Variants in MOB2 observed in about 807,000 individuals in gnomAD.
MOB2 encodes MOB2 Mps One Binder homolog.
A neutral mutation model predicts 27.4 loss-of-function variants in MOB2; 14 were observed. That is an observed-to-expected ratio of 0.51 (90% CI 0.34 to 0.80). The LOEUF is 0.80. Among genes scored for constraint, MOB2 ranks in the 30% least tolerant of loss-of-function variants. MOB2 has a pLI of 0.01. For missense variants in MOB2, 304 were observed against 354.6 expected (o/e 0.86, Z 1.15); for synonymous variants, 167 against 151.8 (o/e 1.10, Z -0.74).
intron 3 of MOB2, among the ~76,000 whole-genome samples, chr11:1,478,541 C>A (rs978961643): frequency 6.6e-6 from 1 of 152,204 alleles, no homozygotes; most frequent in Admixed American, 6.5e-5. Context: ...TCATTCACTG[C>A]GGCATCTGTT....
At chr11:1,483,521 C>T (rs1339626249) in intron 1 of MOB2, among the ~76,000 whole-genome samples, 3 of 152,208 alleles carry the variant, frequency 2.0e-5, no homozygotes, top group Middle Eastern at 3.2e-3. Flanking sequence ...TTAGGAGGGC[C>T]GGGCCAGATG....
At chr11:1,478,602 G>A (rs1590764932) in intron 3 of MOB2, among the ~76,000 whole-genome samples, 1 of 152,190 alleles carries the variant, frequency 6.6e-6, no homozygotes, top group Non-Finnish European at 1.5e-5. Context: ...TGGCTGCCAA[G>A]GGCTTTTTCT....
chr11:1,480,011 A>G (rs377020533), intron 3 of MOB2, among the ~76,000 whole-genome samples: 11 of 152,364 alleles, frequency 7.2e-5, no homozygotes, highest in African/African-American at 2.6e-4. Context: ...CCATGAAATG[A>G]ATGGCCGAGC....
chr11:1,470,706 G>A (rs963275424), intron 4 of MOB2, among the ~76,000 whole-genome samples: 4 of 152,238 alleles, frequency 2.6e-5, no homozygotes, highest in East Asian at 1.9e-4. Flanking sequence ...ACCTCCCTGC[G>A]TGCTCAGGCT....
intron 3 of MOB2, among the ~76,000 whole-genome samples, chr11:1,477,550 A>T (rs1199086735): frequency 6.6e-6 from 1 of 152,218 alleles, no homozygotes; most frequent in Non-Finnish European, 1.5e-5. Flanking sequence ...GCTCATGAAC[A>T]GAACTGGTGG....
chr11:1,476,923 C>T (rs1847858238), intron 3 of MOB2, among the ~76,000 whole-genome samples: 1 of 152,176 alleles, frequency 6.6e-6, no homozygotes, highest in Non-Finnish European at 1.5e-5. Flanking sequence ...AATTTAACCC[C>T]ACCATGGTCA....
At chr11:1,481,268 C>A in intron 1 of MOB2, 1 of 316,952 alleles carries the variant, frequency 3.2e-6, no homozygotes, top group Non-Finnish European at 6.3e-6. Flanking sequence ...CAAACCCTCT[C>A]ACTCCTGGCT....
At chr11:1,471,010 G>A (rs925701831) in intron 4 of MOB2, among the ~76,000 whole-genome samples, 2 of 152,262 alleles carry the variant, frequency 1.3e-5, no homozygotes, top group Non-Finnish European at 2.9e-5. Flanking sequence ...GCTGGACGGT[G>A]AGAGCAGCAT....
At chr11:1,477,401 C>T (rs530786241) in intron 3 of MOB2, among the ~76,000 whole-genome samples, 24 of 152,276 alleles carry the variant, frequency 1.6e-4, no homozygotes, top group South Asian at 6.2e-4. Flanking sequence ...ACTTCTCACC[C>T]GCCTGCACCA....
chr11:1,469,624 G>T lies in MOB2; in HGVS notation c.*548C>A. On this transcript the variant is annotated 3_prime_UTR_variant, in exon 5 of 5. Coordinates refer to ENST00000329957, the MANE Select transcript of MOB2 (RefSeq NM_001172223.3). ...GGGCATGGAGGAGGCAGCAGGAAGG[G>T]GTGACAGGAGCAGGAGCAGGTGCAG... The T allele has an allele frequency of 2.2e-6, 1 of 457,012 alleles. No homozygotes were observed. Among genetic ancestry groups the T allele is most frequent in the Non-Finnish European group, 4.4e-6 (1 of 227,206 alleles). 28.3% of individuals were successfully genotyped at this position (457,012 alleles called of 1,614,324 possible).
chr11:1,485,903 T>C (rs1564912327), intron 1 of MOB2, among the ~76,000 whole-genome samples: 1 of 152,212 alleles, frequency 6.6e-6, no homozygotes, highest in Non-Finnish European at 1.5e-5. Flanking sequence ...AACATCCCTA[T>C]GGCAGCCAGC....
chr11:1,485,981 G>C (rs982662238), intron 1 of MOB2, among the ~76,000 whole-genome samples: 9 of 152,240 alleles, frequency 5.9e-5, no homozygotes. Flanking sequence ...CAGACTCCGG[G>C]TCACCTCTGC....
chr11:1,473,703 A>G (rs1331248284), intron 3 of MOB2, among the ~76,000 whole-genome samples: 2 of 152,228 alleles, frequency 1.3e-5, no homozygotes, highest in African/African-American at 4.8e-5. Flanking sequence ...ATGGAACACC[A>G]CTGTTTCCTG....
At chr11:1,485,443 C>T (rs1013205364) in intron 1 of MOB2, among the ~76,000 whole-genome samples, 4 of 152,238 alleles carry the variant, frequency 2.6e-5, no homozygotes, top group Admixed American at 1.3e-4. Flanking sequence ...GCAGGGTCAC[C>T]GGCCGGCACT....
Position 1,470,337 on chromosome 11 carries a change from G to A in MOB2, c.642C>T (p.Ile214=). ...GCAGGTTGAACTCCCGAGCAAAGAG[G>A]ATGAAGTGGACGTAGAGCGTGTTCA... ...GHLNTLYVHF[I]LFAREFNLLD... The change falls in exon 5 of 5, where the codon ATC becomes ATT. Residue 214 remains isoleucine, a synonymous_variant. Transcript: ENST00000329957. 1 of 1,613,612 alleles carries A rather than the reference G, an allele frequency of 6.2e-7. No homozygotes were observed. Among genetic ancestry groups the A allele is most frequent in the Non-Finnish European group, 8.5e-7 (1 of 1,179,904 alleles).
chr11:1,470,196 TGC>T lies in MOB2; in HGVS notation c.781_782del (p.Ala261ThrfsTer233). 1 of 1,608,094 alleles carries T rather than the reference TGC, an allele frequency of 6.2e-7. No individual in the cohort carries two copies. The highest frequency in any genetic ancestry group is 8.5e-7 in the Non-Finnish European group (1 of 1,177,698). The stretch of plus-strand genomic sequence containing the variant: ...CTCATCTCTCCTTCACGTGGTTCTG[TGC>T]TCCCGGGCCCCCGCTGCCGGCCCCA... ...GDGAGSGGPG[A>X]QNHVKER On this transcript the variant is annotated frameshift_variant, in exon 5 of 5. Coordinates refer to ENST00000329957, the MANE Select transcript of MOB2 (RefSeq NM_001172223.3). LOFTEE classifies it high-confidence loss of function.
intron 2 of MOB2, 49 bp from the exon 3 acceptor site, chr11:1,480,535 C>T (rs184064755): frequency 2.3e-5 from 36 of 1,593,050 alleles, no homozygotes; most frequent in Middle Eastern, 1.7e-4. Flanking sequence ...AGAGCTGAGC[C>T]GCCCCGTCCA....
In MOB2 at chr11:1,480,724, C is replaced by T. The variant is rs1847902156; in HGVS notation, c.271+1G>A. 2 of 1,602,572 alleles carry T rather than the reference C, an allele frequency of 1.2e-6. No individual in the cohort carries two copies. The highest frequency in any genetic ancestry group is 1.3e-5 in the African/African-American group (1 of 74,764). On this transcript the variant is annotated splice_donor_variant, in intron 2 of 4. Coordinates refer to ENST00000329957, the MANE Select transcript of MOB2 (RefSeq NM_001172223.3). LOFTEE classifies it high-confidence loss of function. Reference sequence around the variant, plus strand: ...GGGCCCGCCCCCAGGCCCCCGCGCACTGTTGCTGGCCAGCCACTCGTTAAG... The same window carrying T: ...GGGCCCGCCCCCAGGCCCCCGCGCATTGTTGCTGGCCAGCCACTCGTTAAG...
Position 1,483,812 on chromosome 11 carries a change from G to A in MOB2, c.110+2635C>T, listed in dbSNP as rs568598744. Among the ~76,000 whole-genome samples, 15 of 152,342 alleles carry A rather than the reference G, an allele frequency of 9.8e-5. No homozygotes were observed. In the East Asian group the frequency reaches 2.9e-3, roughly 29 times the overall value. On this transcript the variant is annotated intron_variant, in intron 1 of 4. Transcript: ENST00000329957. ...TAACTGATCCCTACTGGGAAGTGAG[G>A]CAATCCCTGCTAGACACAAATTTGG...
Sources: gnomAD v4.1 joint callset for allele counts (sites outside exome capture counted in the v4.1 genomes callset) on GRCh38, gnomAD v4.1.1 for gene constraint, MANE v1.5 for transcripts, NCBI Gene and HGNC (gene_info 2026-07-23, HGNC 2026-07-21) for gene names.